The following CNOT6L variants were observed in gnomAD, a reference collection of about 807,000 sequenced individuals.
CNOT6L encodes the protein CCR4-NOT transcription complex subunit 6 like.
Under a neutral mutation model 64.0 loss-of-function variants are expected in CNOT6L, and 7 were observed. That is an observed-to-expected ratio of 0.11 (90% CI 0.06 to 0.21). CNOT6L has a LOEUF of 0.21. Ranked by LOEUF, CNOT6L falls within the 10% of genes least tolerant of loss-of-function variation. CNOT6L has a pLI of 1.00. For missense variants in CNOT6L, 245 were observed against 669.0 expected (o/e 0.37, Z 6.99); for synonymous variants, 193 against 243.4 (o/e 0.79, Z 1.93).
chr4:77,727,731 A>G (rs184041002), intron 10 of CNOT6L, among the ~76,000 whole-genome samples: 230 of 152,332 alleles, frequency 1.5e-3, no homozygotes, highest in African/African-American at 5.3e-3. Flanking sequence ...TTAACAAATC[A>G]AATACAATGG....
chr4:77,737,675 C>G (rs1723128114), intron 8 of CNOT6L, among the ~76,000 whole-genome samples: 1 of 152,020 alleles, frequency 6.6e-6, no homozygotes, highest in African/African-American at 2.4e-5. Context: ...GCCTCAGACT[C>G]CCAAAGTGCT....
In CNOT6L at chr4:77,718,664, T is replaced by C. The variant is rs958611890; in HGVS notation, c.*1767A>G. 7.9e-5 allele frequency: 12 copies of C among 152,564 alleles called. No individual in the cohort carries two copies. Among genetic ancestry groups the C allele is most frequent in the South Asian group, 2.1e-4 (1 of 4,832 alleles). The allele number at this position is 152,564 out of a possible 1,614,324, so 9.5% of individuals were successfully genotyped here. A position where few individuals can be genotyped will look rare whatever the true frequency, so the allele number is the denominator to read the frequency against. ...TTCTGATGCAATCCCATGTATGATA[T>C]GACATCATCCCACCACCCTCGTCCC... On this transcript the variant is annotated 3_prime_UTR_variant, in exon 12 of 12. Transcript: ENST00000504123.
At chr4:77,739,673 A>G (rs768989970) in intron 8 of CNOT6L, among the ~76,000 whole-genome samples, 10 of 152,234 alleles carry the variant, frequency 6.6e-5, no homozygotes, top group Non-Finnish European at 1.0e-4. Flanking sequence ...GAAAAGAGGT[A>G]CAATATACTG....
upstream of CNOT6L, chr4:77,819,375 A>ACGCGCG (rs747058020): frequency 3.6e-5 from 57 of 1,569,312 alleles, no homozygotes; most frequent in Admixed American, 8.6e-5. Context: ...ACACACAAAC[A>ACGCGCG]CGCGCGCGCG....
chr4:77,726,416 C>T (rs1721852226), intron 10 of CNOT6L, 47 bp from the exon 11 acceptor site: 1 of 1,415,396 alleles, frequency 7.1e-7, no homozygotes, highest in Non-Finnish European at 9.8e-7. Flanking sequence ...TTAGACCTTA[C>T]ACAAGGCTTC....
chr4:77,758,522 G>C (rs563659969), intron 4 of CNOT6L, among the ~76,000 whole-genome samples: 1 of 152,208 alleles, frequency 6.6e-6, no homozygotes, highest in Non-Finnish European at 1.5e-5. Context: ...GATTTTAAAA[G>C]CTGTCACTCC....
intron 1 of CNOT6L, among the ~76,000 whole-genome samples, chr4:77,782,204 T>C (rs1231456345): frequency 6.6e-6 from 1 of 152,208 alleles, no homozygotes; most frequent in African/African-American, 2.4e-5. Flanking sequence ...ATAACTATCC[T>C]TCCCATCTGG....
intron 1 of CNOT6L, among the ~76,000 whole-genome samples, chr4:77,781,041 G>A (rs965197946): frequency 6.6e-6 from 1 of 152,208 alleles, no homozygotes; most frequent in African/African-American, 2.4e-5. Flanking sequence ...GGACATGGAT[G>A]AAGCTGGAAG....
chr4:77,760,814 G>A (rs1194381068), intron 4 of CNOT6L, among the ~76,000 whole-genome samples: 10 of 137,654 alleles, frequency 7.3e-5, no homozygotes, highest in Non-Finnish European at 1.2e-4. Context: ...CTCCTGCCTC[G>A]GCCTCCTGAG....
intron 1 of CNOT6L, among the ~76,000 whole-genome samples, chr4:77,811,761 T>C (rs1732967427): frequency 6.6e-6 from 1 of 151,694 alleles, no homozygotes; most frequent in Admixed American, 6.6e-5. Flanking sequence ...CACTCAACAA[T>C]CTAGGAAATG....
chr4:77,819,370 C>A (rs984918571), upstream of CNOT6L: 2 of 1,611,406 alleles, frequency 1.2e-6, no homozygotes, highest in African/African-American at 2.7e-5. Context: ...AACACACACA[C>A]AAACACGCGC....
intron 3 of CNOT6L, among the ~76,000 whole-genome samples, chr4:77,774,032 T>C (rs1727893472): frequency 6.6e-6 from 1 of 152,208 alleles, no homozygotes; most frequent in Non-Finnish European, 1.5e-5. Flanking sequence ...TGGAAACATT[T>C]AGATAAGATC....
chr4:77,772,989 TCTAAAACTCATA>T (rs1319620301), intron 4 of CNOT6L, 80 bp downstream of exon 4: 1 of 726,428 alleles, frequency 1.4e-6, no homozygotes, highest in African/African-American at 1.8e-5. Flanking sequence ...GTAGTCACAT[TCTAAAACTCATA>T]CTAAAACTTG....
chr4:77,746,809 G>C (rs925181860), intron 6 of CNOT6L, among the ~76,000 whole-genome samples: 20 of 152,162 alleles, frequency 1.3e-4, no homozygotes, highest in African/African-American at 4.8e-4. Context: ...GAAAACCTTA[G>C]GTACTCCTTT....
intron 1 of CNOT6L, among the ~76,000 whole-genome samples, chr4:77,780,514 A>G (rs1728741538): frequency 6.6e-6 from 1 of 152,176 alleles, no homozygotes; most frequent in South Asian, 2.1e-4. Flanking sequence ...AGTTTCCCAA[A>G]TACTACACAA....
chr4:77,779,673 AC>A (rs1203010265), intron 1 of CNOT6L, among the ~76,000 whole-genome samples: 1 of 152,154 alleles, frequency 6.6e-6, no homozygotes, highest in Non-Finnish European at 1.5e-5. Context: ...AATAAAAATG[AC>A]CAAAGGCTGG....
chr4:77,743,777 T>C (rs1410723791), intron 7 of CNOT6L, among the ~76,000 whole-genome samples: 3 of 151,892 alleles, frequency 2.0e-5, no homozygotes, highest in Non-Finnish European at 2.9e-5. Context: ...AATTTTTGCA[T>C]TTTTAGTAGA....
chr4:77,794,621 TTTAC>T (rs1730592121), intron 1 of CNOT6L, among the ~76,000 whole-genome samples: 1 of 152,102 alleles, frequency 6.6e-6, no homozygotes, highest in African/African-American at 2.4e-5. Flanking sequence ...TAAAAGTGAA[TTTAC>T]TTAGCCTGAT....
chr4:77,753,787 A>C (rs1198726594), intron 5 of CNOT6L, among the ~76,000 whole-genome samples: 1 of 152,026 alleles, frequency 6.6e-6, no homozygotes, highest in African/African-American at 2.4e-5. Context: ...GGAATACCAA[A>C]GGTGGTATAA....
Sources: gnomAD v4.1 joint callset for allele counts (sites outside exome capture counted in the v4.1 genomes callset) on GRCh38, gnomAD v4.1.1 for gene constraint, MANE v1.5 for transcripts, NCBI Gene and HGNC (gene_info 2026-07-23, HGNC 2026-07-21) for gene names.